CCDC28B: variants seen among roughly 807,000 people sequenced by gnomAD.
CCDC28B encodes the protein coiled-coil domain containing 28B.
In CCDC28B, 17 loss-of-function variants were observed where a neutral mutation model predicts 18.7. That is an observed-to-expected ratio of 0.91 (90% CI 0.62 to 1.36). The LOEUF (loss-of-function observed/expected upper bound fraction) is 1.36, where lower values mean the gene tolerates loss of function less well. CCDC28B is among the 40% of genes most tolerant of loss of function. CCDC28B has a pLI of 0.00. For synonymous variants in CCDC28B, 116 were observed against 105.1 expected (o/e 1.10, Z -0.64); for missense variants, 213 against 251.7 (o/e 0.85, Z 1.04).
rs1396185199 is a variant in CCDC28B at position 32,202,067 on chromosome 1, G to A, written c.132G>A (p.Leu44=). 1.9e-6 allele frequency: 3 copies of A among 1,613,388 alleles called. No individual in the cohort carries two copies. Among genetic ancestry groups the A allele is most frequent in the Non-Finnish European group, 2.5e-6 (3 of 1,179,688 alleles). Residue 44 remains leucine, a synonymous_variant, in exon 2 of 6, where the codon CTG becomes CTA. Transcript: ENST00000373602. The part of the protein sequence containing the change: ...SGSLALGLPH[L]PSPKQRAKFK... ...CCTTGGCCCTAGGACTTCCTCATCT[G>A]CCATCCCCCAAGCAGCGGGCCAAGT...
At chr1:32,202,171 G>A (rs1231262536) in intron 2 of CCDC28B, 72 bp downstream of exon 2, 1 of 1,583,050 alleles carries the variant, frequency 6.3e-7, no homozygotes, top group East Asian at 2.2e-5. Context: ...AAGGCAAGGG[G>A]GGCCTCCGCC....
chr1:32,202,053 G>C lies in CCDC28B; in HGVS notation c.118G>C (p.Gly40Arg), dbSNP rs752293342. ...PTSHSGSLAL[G>R]LPHLPSPKQR... ...CAGCCACAGCGGCTCCTTGGCCCTAGGACTTCCTCATCTGCCATCCCCCAA... is the reference window on the plus strand; with the variant it reads ...CAGCCACAGCGGCTCCTTGGCCCTACGACTTCCTCATCTGCCATCCCCCAA... The change falls in exon 2 of 6, where the codon GGA (glycine) becomes CGA (arginine). Residue 40 changes from glycine to arginine, a missense_variant. Coordinates refer to ENST00000373602, the MANE Select transcript of CCDC28B (RefSeq NM_024296.5). 3 of 1,613,754 alleles carry C rather than the reference G, an allele frequency of 1.9e-6. No homozygotes were observed. In the South Asian group the frequency reaches 3.3e-5, roughly 18 times the overall value.
intron 5 of CCDC28B, chr1:32,204,985 C>G (rs1346371318): frequency 2.4e-6 from 3 of 1,234,712 alleles, no homozygotes; most frequent in Non-Finnish European, 2.2e-6. Flanking sequence ...TGCGCGCGCA[C>G]ACACCCCAGT....
intron 2 of CCDC28B, chr1:32,202,473 G>A (rs1643167986): frequency 7.8e-6 from 3 of 382,332 alleles, no homozygotes; most frequent in Non-Finnish European, 1.5e-5. Flanking sequence ...ACAGGAAATG[G>A]TGAGGAAATA....
chr1:32,200,253 G>T, upstream of CCDC28B: 1 of 153,032 alleles, frequency 6.5e-6, no homozygotes, highest in Non-Finnish European at 1.5e-5. Context: ...TCACTCCATT[G>T]ATGGCTGTCT....
In CCDC28B at chr1:32,205,032, G is replaced by A. The variant is rs1487740861; in HGVS notation, c.549-162G>A. On this transcript the variant is annotated intron_variant, in intron 5 of 5. Transcript: ENST00000373602. The surrounding 1 kb of genome is among the most constrained non-coding windows in gnomAD (Gnocchi z 5.6). ...GCACGATCTGGATGAAGAGAGAGGGGGTGAGAGAGGGCAGGCGGGGACTGC... is the reference window on the plus strand; with the variant it reads ...GCACGATCTGGATGAAGAGAGAGGGAGTGAGAGAGGGCAGGCGGGGACTGC... The A allele has an allele frequency of 8.6e-7, 1 of 1,160,932 alleles. No individual in the cohort carries two copies. The highest frequency in any genetic ancestry group is 1.2e-6 in the Non-Finnish European group (1 of 832,218). 71.9% of individuals were successfully genotyped at this position (1,160,932 alleles called of 1,614,324 possible).
intron 4 of CCDC28B, 30 bp downstream of exon 4, chr1:32,204,409 T>C (rs1322250727): frequency 1.9e-6 from 3 of 1,545,858 alleles, no homozygotes; most frequent in Admixed American, 2.0e-5. Context: ...CTTTGGTTCC[T>C]GGGGGCATGA....
At chr1:32,204,763 C>T (rs1258081633) in intron 5 of CCDC28B, 143 bp downstream of exon 5, 2 of 1,613,176 alleles carry the variant, frequency 1.2e-6, no homozygotes, top group Non-Finnish European at 1.7e-6. Flanking sequence ...ACTGCCCAAA[C>T]CCAGGTACAG....
rs746231413 is a variant in CCDC28B, at chr1:32,204,332, CAGA to C, written c.485_487del (p.Lys162del). 58 of 1,606,112 alleles carry C rather than the reference CAGA, an allele frequency of 3.6e-5. No homozygotes were observed. The highest frequency in any genetic ancestry group is 4.3e-5 in the Non-Finnish European group (51 of 1,175,896). On this transcript the variant is annotated inframe_deletion, in exon 4 of 6. Coordinates refer to ENST00000373602, the MANE Select transcript of CCDC28B (RefSeq NM_024296.5). ...GGTCACTGAGGGGCTGCCAGAGGAG[CAGA>C]AGAAGACAATGGCTGACCGTAACCT...
chr1:32,197,840 T>C (rs1199451651), upstream of CCDC28B: 1 of 152,254 alleles, frequency 6.6e-6, no homozygotes, highest in African/African-American at 2.4e-5. The surrounding 1 kb of genome is among the most constrained non-coding windows in gnomAD (Gnocchi z 4.6). Context: ...TTGTTTGTTT[T>C]CCATGAGGTT....
At chr1:32,202,863 G>C (rs1643176710) in intron 2 of CCDC28B, 1 of 154,112 alleles carries the variant, frequency 6.5e-6, no homozygotes, top group African/African-American at 2.4e-5. Flanking sequence ...GGCTGGGCAT[G>C]GTGGCTCAGC....
At chr1:32,204,077 G>A in intron 3 of CCDC28B, 32 bp downstream of exon 3, 1 of 1,572,252 alleles carries the variant, frequency 6.4e-7, no homozygotes, top group Non-Finnish European at 8.6e-7. Context: ...CAGCGGGTGT[G>A]TGGATAGGGC....
upstream of CCDC28B, chr1:32,197,715 GCTCAAGAGCGCATGGC>G (rs1643054601): frequency 6.6e-6 from 1 of 152,294 alleles, no homozygotes; most frequent in African/African-American, 2.4e-5. This position sits in a 1 kb window ranked among gnomAD's most constrained non-coding sequence, Gnocchi z 4.6. Context: ...AGCAGGTGAA[GCTCAAGAGCGCATGGC>G]TCTGCTAATA....
At chr1:32,203,550 G>A (rs150963691) in intron 2 of CCDC28B, among the ~76,000 whole-genome samples, 6 of 152,254 alleles carry the variant, frequency 3.9e-5, no homozygotes, top group Admixed American at 2.0e-4. Flanking sequence ...CTCTATATAC[G>A]CTGAAGACTA....
At chr1:32,204,156 C>T (rs750666303) in intron 3 of CCDC28B, 30 bp from the exon 4 acceptor site, 4 of 1,612,980 alleles carry the variant, frequency 2.5e-6, no homozygotes, top group Non-Finnish European at 3.4e-6. Context: ...AGGACTCTTT[C>T]CCAGGGTTCA....
Position 32,205,231 on chromosome 1 carries a change from G to C in CCDC28B, c.586G>C (p.Glu196Gln). Residue 196 changes from glutamate to glutamine, a missense_variant, in exon 6 of 6, where the codon GAG becomes CAG. Physicochemically the swap from Glu to Gln is conservative, Grantham distance 29 (BLOSUM62 2). Transcript: ENST00000373602. The surrounding 1 kb of genome is among the most constrained non-coding windows in gnomAD (Gnocchi z 5.6). Reference protein sequence around the residue: ...LHLAENAEPEEQSAA With the variant: ...LHLAENAEPEQQSAA ...CCTGGCCGAGAACGCCGAGCCTGAGGAGCAGTCCGCTGCGTAGGCGTCCCA... is the reference window on the plus strand; with the variant it reads ...CCTGGCCGAGAACGCCGAGCCTGAGCAGCAGTCCGCTGCGTAGGCGTCCCA... 1.9e-6 allele frequency: 3 copies of C among 1,613,792 alleles called. No individual in the cohort carries two copies. The highest frequency in any genetic ancestry group is 1.7e-6 in the Non-Finnish European group (2 of 1,179,824).
At chr1:32,203,456 C>CA (rs1461591489) in intron 2 of CCDC28B, among the ~76,000 whole-genome samples, 4 of 150,614 alleles carry the variant, frequency 2.7e-5, no homozygotes, top group Admixed American at 1.3e-4. Flanking sequence ...GACTCTGTCT[C>CA]AAAAAACAAA....
At chr1:32,201,780 TCTGCCC>T in intron 1 of CCDC28B, 127 bp from the exon 2 acceptor site, 1 of 720,910 alleles carries the variant, frequency 1.4e-6, no homozygotes, top group Non-Finnish European at 2.3e-6. Flanking sequence ...GGCATCTGGC[TCTGCCC>T]CTACCGTATA....
chr1:32,199,697 C>T (rs1643106871), upstream of CCDC28B, among the ~76,000 whole-genome samples: 1 of 152,202 alleles, frequency 6.6e-6, no homozygotes, highest in Non-Finnish European at 1.5e-5. Context: ...GCCAAGAGGC[C>T]CAACCCCAGG....
Sources: allele counts gnomAD v4.1 joint callset (sites outside exome capture counted in the v4.1 genomes callset), GRCh38; gene constraint gnomAD v4.1.1; non-coding constraint Gnocchi (gnomAD v3.1); transcripts MANE v1.5; gene names NCBI Gene and HGNC (gene_info 2026-07-23, HGNC 2026-07-21).